Variants in COL26A1 observed in about 807,000 individuals in gnomAD.
COL26A1 encodes collagen type XXVI alpha 1 chain.
COL26A1 carries 41 observed loss-of-function variants against 59.3 expected under a neutral mutation model. The ratio of observed to expected loss-of-function variants is 0.69; its 90% confidence interval spans 0.54 to 0.90. The LOEUF is 0.90. Ranked by LOEUF, COL26A1 falls within the 40% of genes least tolerant of loss-of-function variation. COL26A1 has a pLI of 0.00. For synonymous variants in COL26A1, 266 were observed against 256.0 expected (o/e 1.04, Z -0.37); for missense variants, 612 against 602.3 (o/e 1.02, Z -0.17).
At position 101,525,171 on chromosome 7, in the gene COL26A1, C is replaced by CTT. The variant is rs34881584; in HGVS notation, c.386-7884_386-7883dup. On this transcript the variant is annotated intron_variant, in intron 3 of 12. Coordinates refer to ENST00000313669, the MANE Select transcript of COL26A1 (RefSeq NM_001278563.3). ...TCAGTATCCATAGTTTGACTTCATT[C>CTT]TTTTTTTTTTTTTTTTTTTTTTTTT... 1.8e-3 allele frequency among the ~76,000 whole-genome samples: 130 copies of CTT among 73,908 alleles called. 11 individuals are homozygous for CTT. The highest frequency in any genetic ancestry group is 5.5e-3 in the African/African-American group (88 of 16,146). 48.5% of individuals were successfully genotyped at this position (73,908 alleles called of 152,430 possible).
chr7:101,452,196 T>G (rs1187149950), intron 3 of COL26A1, among the ~76,000 whole-genome samples: 1 of 152,122 alleles, frequency 6.6e-6, no homozygotes, highest in African/African-American at 2.4e-5. Context: ...TTGCCCTATT[T>G]CCACATTTTG....
intron 3 of COL26A1, among the ~76,000 whole-genome samples, chr7:101,464,412 TTTATTA>T (rs1366011046): frequency 6.7e-6 from 1 of 148,512 alleles, no homozygotes; most frequent in African/African-American, 2.5e-5. Flanking sequence ...TAATTCTTAT[TTTATTA>T]TTATTTTTTT....
intron 3 of COL26A1, among the ~76,000 whole-genome samples, chr7:101,507,733 A>C (rs1444693334): frequency 6.6e-6 from 1 of 151,936 alleles, no homozygotes; most frequent in Non-Finnish European, 1.5e-5. Flanking sequence ...TTCTTACCTT[A>C]GATCTCACCC....
intron 1 of COL26A1, among the ~76,000 whole-genome samples, chr7:101,402,118 A>G (rs948753786): frequency 2.6e-5 from 4 of 152,172 alleles, no homozygotes; most frequent in Non-Finnish European, 4.4e-5. Flanking sequence ...AGATGCCAAG[A>G]CAGCAGTGTG....
At chr7:101,510,249 C>T (rs752111374) in intron 3 of COL26A1, among the ~76,000 whole-genome samples, 1 of 152,086 alleles carries the variant, frequency 6.6e-6, no homozygotes, top group Admixed American at 6.6e-5. Context: ...TGGTCTCAAA[C>T]TCCTGGGCTC....
At chr7:101,490,757 G>A (rs1249236957) in intron 3 of COL26A1, among the ~76,000 whole-genome samples, 2 of 151,930 alleles carry the variant, frequency 1.3e-5, no homozygotes, top group Non-Finnish European at 2.9e-5. Flanking sequence ...CCAGCACTTT[G>A]GGAGGCCAAG....
intron 1 of COL26A1, among the ~76,000 whole-genome samples, chr7:101,418,327 C>T (rs879890443): frequency 6.6e-6 from 1 of 152,128 alleles, no homozygotes; most frequent in Admixed American, 6.6e-5. Context: ...TAGCTTCAGC[C>T]CCGGTCCTCT....
intron 1 of COL26A1, among the ~76,000 whole-genome samples, chr7:101,379,754 G>A (rs896977317): frequency 6.6e-6 from 1 of 152,178 alleles, no homozygotes; most frequent in African/African-American, 2.4e-5. Context: ...AAACCAAGAT[G>A]GAGATGAGAG....
intron 3 of COL26A1, among the ~76,000 whole-genome samples, chr7:101,466,795 G>GGGGT (rs755331568): frequency 2.4e-5 from 3 of 125,174 alleles, no homozygotes; most frequent in Admixed American, 8.4e-5. Flanking sequence ...GGCATGTTCT[G>GGGGT]GTGTGTGTGT....
rs1182588904 is a variant in COL26A1, at chr7:101,489,832, T to C, written c.385+42045T>C. On this transcript the variant is annotated intron_variant, in intron 3 of 12. Coordinates refer to ENST00000313669, the MANE Select transcript of COL26A1 (RefSeq NM_001278563.3). ...TTTCTTTCTTTCTTTCTTTCTTTCT[T>C]TCTTTCTTTCTTTCTTTCTTTCTTT... Among the ~76,000 whole-genome samples, 17 of 14,602 alleles carry C rather than the reference T, an allele frequency of 1.2e-3. 2 individuals carry two copies. The highest frequency in any genetic ancestry group is 0.024 in the Middle Eastern group (1 of 42). The allele number at this position is 14,602 out of a possible 152,430, so 9.6% of individuals were successfully genotyped here.
At chr7:101,486,285 G>T (rs986670325) in intron 3 of COL26A1, among the ~76,000 whole-genome samples, 1 of 151,968 alleles carries the variant, frequency 6.6e-6, no homozygotes, top group Non-Finnish European at 1.5e-5. Context: ...GCGATCTTCA[G>T]TTTCACAAGG....
chr7:101,399,834 CAT>C (rs1791947724), intron 1 of COL26A1, among the ~76,000 whole-genome samples: 1 of 152,186 alleles, frequency 6.6e-6, no homozygotes, highest in South Asian at 2.1e-4. Context: ...ACATAAGAAT[CAT>C]AAAGTTGTTT....
chr7:101,407,582 A>C (rs374146503), intron 1 of COL26A1, among the ~76,000 whole-genome samples: 1 of 151,648 alleles, frequency 6.6e-6, no homozygotes, highest in African/African-American at 2.4e-5. Flanking sequence ...CTGCATTTCT[A>C]TTGAACCTCA....
intron 1 of COL26A1, among the ~76,000 whole-genome samples, chr7:101,368,299 C>A (rs4729699): frequency 0.58 from 88,052 of 151,898 alleles, 27,087 homozygotes; most frequent in African/African-American, 0.8. Context: ...GTATGTCATT[C>A]TTTCATTAAG....
chr7:101,477,091 G>A (rs771963859), intron 3 of COL26A1, among the ~76,000 whole-genome samples: 3 of 151,926 alleles, frequency 2.0e-5, no homozygotes, highest in African/African-American at 4.8e-5. Flanking sequence ...TGATCTGCCC[G>A]CCTCAGCCTC....
At chr7:101,363,695 T>C (rs1291644525) in intron 1 of COL26A1, among the ~76,000 whole-genome samples, 1 of 151,704 alleles carries the variant, frequency 6.6e-6, no homozygotes, top group Admixed American at 6.6e-5. Context: ...GCCCACCCTG[T>C]CCCTTCCTTT....
At chr7:101,415,921 C>CCATGCCTGGTCAGAATTTT (rs1470889068) in intron 1 of COL26A1, among the ~76,000 whole-genome samples, 15 of 145,788 alleles carry the variant, frequency 1.0e-4, no homozygotes, top group South Asian at 4.4e-4. Flanking sequence ...GCGTGAGCCA[C>CCATGCCTGGTCAGAATTTT]TGCACCCAAC....
chr7:101,527,614 G>T (rs138409192), intron 3 of COL26A1, among the ~76,000 whole-genome samples: 10,374 of 152,142 alleles, frequency 0.068, 460 homozygotes, highest in Non-Finnish European at 0.096. Context: ...GATTACAGGC[G>T]TGAGCCACCA....
At chr7:101,544,296 C>T (rs903660331) in intron 6 of COL26A1, among the ~76,000 whole-genome samples, 200 bp downstream of exon 6, 4 of 152,050 alleles carry the variant, frequency 2.6e-5, no homozygotes, top group African/African-American at 7.2e-5. Flanking sequence ...GATGCCATCT[C>T]GGCTCATTGC....
Sources: gnomAD v4.1 joint callset for allele counts (sites outside exome capture counted in the v4.1 genomes callset) on GRCh38, gnomAD v4.1.1 for gene constraint, MANE v1.5 for transcripts, NCBI Gene and HGNC (gene_info 2026-07-23, HGNC 2026-07-21) for gene names.